RBFOX1: variants seen among roughly 807,000 people sequenced by gnomAD.
RBFOX1 encodes RNA binding protein fox-1 homolog 1.
RBFOX1 carries 8 observed loss-of-function variants against 57.7 expected under a neutral mutation model. The observed-to-expected ratio is 0.14, with a 90% CI of 0.08 to 0.25. The LOEUF (loss-of-function observed/expected upper bound fraction) is 0.25. Among genes scored for constraint, RBFOX1 ranks in the 10% least tolerant of loss-of-function variants. The pLI, the probability that RBFOX1 is intolerant of heterozygous loss-of-function variation, is 1.00. For synonymous variants in RBFOX1, 326 were observed against 222.4 expected, an observed-to-expected ratio of 1.47 and a Z score of -4.15; for missense variants, 611 against 548.5, an observed-to-expected ratio of 1.11 and a Z score of -1.14.
At chr16:7,529,216 A>G (rs1402380510) in intron 5 of RBFOX1, among the ~76,000 whole-genome samples, 1 of 152,180 alleles carries the variant, frequency 6.6e-6, no homozygotes, top group East Asian at 1.9e-4. Context: ...AGCTGAGATC[A>G]TGCCACCACA....
rs139883052 is a variant in RBFOX1 at position 5,721,471 on chromosome 16, C to T, written c.318+122510C>T. On this transcript the variant is annotated intron_variant, in intron 3 of 19. Coordinates refer to the RBFOX1 transcript ENST00000641259. ...GATGCCTTTTTTTCTTGTTCTTGCCCAATTGCCCTGGCTTGACCCTCCAGT... is the reference window on the plus strand; with the variant it reads ...GATGCCTTTTTTTCTTGTTCTTGCCTAATTGCCCTGGCTTGACCCTCCAGT... Among the ~76,000 whole-genome samples, 523 of 152,150 alleles carry T rather than the reference C, an allele frequency of 3.4e-3. 2 individuals are homozygous for T. The highest frequency in any genetic ancestry group is 0.011 in the African/African-American group (450 of 41,502).
chr16:5,828,437 C>T (rs13335263), intron 3 of RBFOX1, among the ~76,000 whole-genome samples: 20,848 of 152,174 alleles, frequency 0.14, 1,580 homozygotes, highest in Non-Finnish European at 0.15. Flanking sequence ...ACCGGGCTCA[C>T]GCCTGTAATT....
intron 3 of RBFOX1, among the ~76,000 whole-genome samples, chr16:6,750,407 T>C (rs1425247397): frequency 6.6e-6 from 1 of 152,222 alleles, no homozygotes; most frequent in Non-Finnish European, 1.5e-5. Flanking sequence ...CAGCAGAAGC[T>C]GAAACCAGGG....
chr16:6,849,540 A>G (rs2093953329), intron 3 of RBFOX1, among the ~76,000 whole-genome samples: 1 of 152,152 alleles, frequency 6.6e-6, no homozygotes, highest in Non-Finnish European at 1.5e-5. Flanking sequence ...ATGGTGGTGC[A>G]TGCCTGTAGT....
At chr16:6,669,155 C>G (rs1196376577) in intron 3 of RBFOX1, among the ~76,000 whole-genome samples, 3 of 151,920 alleles carry the variant, frequency 2.0e-5, no homozygotes, top group Non-Finnish European at 2.9e-5. Flanking sequence ...GTCAGAAAAC[C>G]CAGGGATTAT....
chr16:7,282,488 A>G (rs2095565149), intron 4 of RBFOX1, among the ~76,000 whole-genome samples: 1 of 151,804 alleles, frequency 6.6e-6, no homozygotes, highest in Non-Finnish European at 1.5e-5. Context: ...TATCAGGTGG[A>G]TTTTCTGCTG....
intron 2 of RBFOX1, among the ~76,000 whole-genome samples, chr16:6,433,846 CTTTTTTTTT>C (rs201617630): frequency 1.6e-5 from 2 of 127,178 alleles, no homozygotes; most frequent in Non-Finnish European, 3.2e-5. Context: ...TTTCATTTTT[CTTTTTTTTT>C]TTTTTTTTTG....
chr16:5,946,593 G>A lies in RBFOX1; in HGVS notation c.351+79258G>A, dbSNP rs1454815414. ...GGTGTTCCTGAGTTATATCCTTTAC[G>A]ATATACCGGTAATAGTAATTTCCTA... On this transcript the variant is annotated intron_variant, in intron 4 of 19. Coordinates refer to the RBFOX1 transcript ENST00000641259. This position sits in a 1 kb window ranked among gnomAD's most constrained non-coding sequence, Gnocchi z 4.6. Among the ~76,000 whole-genome samples, 1 of 152,078 alleles carries A rather than the reference G, an allele frequency of 6.6e-6. No individual in the cohort carries two copies. The highest frequency in any genetic ancestry group is 1.5e-5 in the Non-Finnish European group (1 of 68,026).
chr16:6,193,370 A>ATACACAT (rs1345684317), intron 1 of RBFOX1, among the ~76,000 whole-genome samples: 1 of 111,992 alleles, frequency 8.9e-6, no homozygotes, highest in African/African-American at 3.3e-5. Context: ...ATATATATAT[A>ATACACAT]TATATACATT....
chr16:6,534,727 A>C (rs1483204883), intron 2 of RBFOX1, among the ~76,000 whole-genome samples: 1 of 152,148 alleles, frequency 6.6e-6, no homozygotes, highest in Non-Finnish European at 1.5e-5. Context: ...ACAGAATGCA[A>C]AGAGGGAGAA....
intron 3 of RBFOX1, among the ~76,000 whole-genome samples, chr16:5,856,946 C>G (rs1404198425): frequency 6.6e-6 from 1 of 152,052 alleles, no homozygotes; most frequent in African/African-American, 2.4e-5. Flanking sequence ...CTTTCAGTAA[C>G]TTTTCTTTTG....
At chr16:7,635,476 A>G (rs1271860020) in intron 11 of RBFOX1, among the ~76,000 whole-genome samples, 2 of 152,170 alleles carry the variant, frequency 1.3e-5, no homozygotes, top group African/African-American at 2.4e-5. Flanking sequence ...CACTTTATCC[A>G]GTAACATAAA....
At chr16:6,947,888 T>G (rs1038899488) in intron 3 of RBFOX1, among the ~76,000 whole-genome samples, 1 of 152,198 alleles carries the variant, frequency 6.6e-6, no homozygotes, top group Non-Finnish European at 1.5e-5. Context: ...GCGTTTCTCC[T>G]GCCTCAGCCC....
intron 1 of RBFOX1, among the ~76,000 whole-genome samples, chr16:6,027,392 C>T (rs980118607): frequency 4.6e-5 from 7 of 152,130 alleles, no homozygotes; most frequent in African/African-American, 1.7e-4. Flanking sequence ...AGCAGAGGCA[C>T]CATGATAAGG....
intron 4 of RBFOX1, among the ~76,000 whole-genome samples, chr16:7,094,773 T>TGTGTGTGTGTGTGG (rs1272219459): frequency 7.8e-5 from 11 of 141,034 alleles, no homozygotes; most frequent in African/African-American, 2.5e-4. Context: ...TGTGTGTGTG[T>TGTGTGTGTGTGTGG]GTGGGTGTGT....
At chr16:6,472,040 C>G (rs1421723834) in intron 2 of RBFOX1, among the ~76,000 whole-genome samples, 2 of 152,154 alleles carry the variant, frequency 1.3e-5, no homozygotes, top group African/African-American at 4.8e-5. Context: ...TTTCCCATCA[C>G]CCCCCATTCT....
intron 1 of RBFOX1, among the ~76,000 whole-genome samples, chr16:6,031,110 A>G (rs1476528971): frequency 6.6e-6 from 1 of 152,214 alleles, no homozygotes; most frequent in Non-Finnish European, 1.5e-5. Flanking sequence ...CCTGTTCGGT[A>G]GGAACATCAG....
At position 5,947,676 on chromosome 16, in the gene RBFOX1, T is replaced by C. The variant is rs933565644; in HGVS notation, c.351+80341T>C. On this transcript the variant is annotated intron_variant, in intron 4 of 19. Coordinates refer to the RBFOX1 transcript ENST00000641259. The surrounding 1 kb of genome is among the most constrained non-coding windows in gnomAD (Gnocchi z 7.2). The stretch of plus-strand genomic sequence containing the variant: ...CCCTTACCATCTTCCTTCTCTATTG[T>C]AAATCTGCCCTTTTGAGAGAGTGGG... 6.6e-6 allele frequency among the ~76,000 whole-genome samples: 1 copy of C among 152,184 alleles called. No individual in the cohort carries two copies. Among genetic ancestry groups the C allele is most frequent in the East Asian group, 1.9e-4 (1 of 5,176 alleles).
chr16:7,171,586 C>G (rs1163138430), intron 4 of RBFOX1, among the ~76,000 whole-genome samples: 1 of 152,154 alleles, frequency 6.6e-6, no homozygotes, highest in Non-Finnish European at 1.5e-5. Flanking sequence ...GTAATTTTCT[C>G]TCTTTATGTT....
Sources: gnomAD v4.1 joint callset for allele counts (sites outside exome capture counted in the v4.1 genomes callset) on GRCh38, gnomAD v4.1.1 for gene constraint, Gnocchi (gnomAD v3.1) non-coding constraint, MANE v1.5 for transcripts, NCBI Gene and HGNC (gene_info 2026-07-23, HGNC 2026-07-21) for gene names.